LGSN: variants seen among roughly 807,000 people sequenced by gnomAD.
The protein encoded by LGSN is lengsin, lens protein with glutamine synthetase domain.
LGSN carries 21 observed loss-of-function variants against 19.5 expected under a neutral mutation model. The observed-to-expected ratio is 1.07, with a 90% CI of 0.76 to 1.55. LGSN has a LOEUF of 1.55. Ranked by LOEUF, LGSN falls within the 40% of genes most tolerant of loss-of-function variation. LGSN has a pLI of 0.00. For synonymous variants in LGSN, 257 were observed against 215.6 expected (o/e 1.19, Z -1.68); for missense variants, 673 against 608.5 (o/e 1.11, Z -1.12).
At chr6:63,538,378 A>C in the LGSN span, among the ~76,000 whole-genome samples, 1 of 152,250 alleles carries the variant, frequency 6.6e-6, no homozygotes, top group African/African-American at 2.4e-5. Flanking sequence ...AAACTTGCAA[A>C]AACTGAGACT....
chr6:63,455,695 A>T, the LGSN span, among the ~76,000 whole-genome samples: 1 of 152,118 alleles, frequency 6.6e-6, no homozygotes, highest in South Asian at 2.1e-4. Flanking sequence ...CAGAGGTTGT[A>T]GTGAGCTGAG....
At chr6:63,438,177 C>T in the LGSN span, among the ~76,000 whole-genome samples, 10 of 152,088 alleles carry the variant, frequency 6.6e-5, no homozygotes, top group African/African-American at 2.4e-4. Flanking sequence ...CTTTGGGAGG[C>T]CAAGGTGGGT....
At chr6:63,539,962 A>T in the LGSN span, among the ~76,000 whole-genome samples, 1 of 152,132 alleles carries the variant, frequency 6.6e-6, no homozygotes. Flanking sequence ...CAAGTGTTGG[A>T]GGGTTTGGGG....
chr6:63,358,265 A>C, the LGSN span, among the ~76,000 whole-genome samples: 1 of 152,148 alleles, frequency 6.6e-6, no homozygotes, highest in African/African-American at 2.4e-5. Flanking sequence ...GTCAGGTAGC[A>C]TGATGCCTCC....
chr6:63,498,307 G>A, the LGSN span, among the ~76,000 whole-genome samples: 81,180 of 151,794 alleles, frequency 0.53, 23,566 homozygotes, highest in African/African-American at 0.77. Context: ...TGTTCAAACA[G>A]GTCGAAGCCT....
At chr6:63,345,275 T>C in the LGSN span, among the ~76,000 whole-genome samples, 1 of 152,196 alleles carries the variant, frequency 6.6e-6, no homozygotes. Flanking sequence ...TTCTTTTTTA[T>C]TTCTTCTCTT....
chr6:63,549,383 G>T, the LGSN span: 1 of 753,916 alleles, frequency 1.3e-6, no homozygotes, highest in Non-Finnish European at 2.4e-6. Context: ...TGAATGTCCT[G>T]TCCAATGTCA....
the LGSN span, among the ~76,000 whole-genome samples, chr6:63,424,590 A>G: frequency 6.6e-6 from 1 of 152,128 alleles, no homozygotes; most frequent in South Asian, 2.1e-4. Context: ...CATATCCAAG[A>G]AAGGACTAAT....
At chr6:63,366,985 C>T in the LGSN span, among the ~76,000 whole-genome samples, 2 of 152,060 alleles carry the variant, frequency 1.3e-5, no homozygotes, top group East Asian at 3.9e-4. Context: ...ACCATAAAAA[C>T]CCTAGAAGAA....
the LGSN span, among the ~76,000 whole-genome samples, chr6:63,346,647 GC>G: frequency 6.6e-6 from 1 of 152,142 alleles, no homozygotes; most frequent in African/African-American, 2.4e-5. Context: ...TTCATAGCCA[GC>G]CGGTCAGAAG....
chr6:63,450,972 G>C, the LGSN span, among the ~76,000 whole-genome samples: 1 of 152,128 alleles, frequency 6.6e-6, no homozygotes, highest in African/African-American at 2.4e-5. Flanking sequence ...ACCACACCCG[G>C]CTGTAATGGT....
intron 3 of LGSN, among the ~76,000 whole-genome samples, chr6:63,285,018 C>T (rs1263718764): frequency 6.6e-6 from 1 of 151,972 alleles, no homozygotes; most frequent in Non-Finnish European, 1.5e-5. Context: ...AAACACATGA[C>T]AAAAACTGAT....
chr6:63,376,248 T>C, the LGSN span, among the ~76,000 whole-genome samples: 1 of 152,196 alleles, frequency 6.6e-6, no homozygotes, highest in Non-Finnish European at 1.5e-5. Flanking sequence ...CTTTTTTACT[T>C]AACCCAAAAG....
chr6:63,324,325 A>G (rs1263036421), upstream of LGSN, among the ~76,000 whole-genome samples: 1 of 152,230 alleles, frequency 6.6e-6, no homozygotes, highest in Non-Finnish European at 1.5e-5. Flanking sequence ...TTTTAAAGAC[A>G]TATCACATAG....
chr6:63,492,342 T>C, the LGSN span, among the ~76,000 whole-genome samples: 1 of 147,698 alleles, frequency 6.8e-6, no homozygotes, highest in South Asian at 2.2e-4. Flanking sequence ...CTACCTTTAA[T>C]TTATTAGTCT....
chr6:63,328,405 A>G, the LGSN span, among the ~76,000 whole-genome samples: 2 of 152,224 alleles, frequency 1.3e-5, no homozygotes, highest in South Asian at 4.1e-4. Flanking sequence ...CTGGTCCCTC[A>G]AGGAGTAGTG....
the LGSN span, among the ~76,000 whole-genome samples, chr6:63,376,769 A>T: frequency 3.3e-5 from 5 of 152,234 alleles, no homozygotes; most frequent in Non-Finnish European, 7.3e-5. Flanking sequence ...CTACTTTCAG[A>T]TTGAGTCAGT....
intron 2 of LGSN, among the ~76,000 whole-genome samples, chr6:63,287,858 C>A (rs890261583): frequency 2.0e-5 from 3 of 152,034 alleles, no homozygotes; most frequent in Non-Finnish European, 4.4e-5. Flanking sequence ...GGTAGTCTTA[C>A]TAGTTTTTTG....
the LGSN span, among the ~76,000 whole-genome samples, chr6:63,421,825 A>T: frequency 6.6e-6 from 1 of 152,218 alleles, no homozygotes; most frequent in African/African-American, 2.4e-5. Context: ...CTGTGAGACT[A>T]TAAAAAAAGT....
Sources: allele counts gnomAD v4.1 joint callset (sites outside exome capture counted in the v4.1 genomes callset), GRCh38; gene constraint gnomAD v4.1.1; transcripts MANE v1.5; gene names NCBI Gene and HGNC (gene_info 2026-07-23, HGNC 2026-07-21).